The following UNKL variants were observed in gnomAD, a reference collection of about 807,000 sequenced individuals.
UNKL encodes the protein putative E3 ubiquitin-protein ligase UNKL.
In UNKL, 60 loss-of-function variants were observed where a neutral mutation model predicts 78.0. The observed-to-expected ratio is 0.77, with a 90% CI of 0.63 to 0.95. The LOEUF is 0.95. UNKL is among the 40% of genes least tolerant of loss of function. UNKL has a pLI of 0.00. For missense variants in UNKL, 1,159 were observed against 1,045.7 expected, an observed-to-expected ratio of 1.11 and a Z score of -1.49; for synonymous variants, 608 against 474.8, an observed-to-expected ratio of 1.28 and a Z score of -3.65.
chr16:1,414,440 C>T (rs2038186890), intron 1 of UNKL, among the ~76,000 whole-genome samples, 175 bp downstream of exon 1: 1 of 151,992 alleles, frequency 6.6e-6, no homozygotes, highest in East Asian at 1.9e-4. Context: ...ACCATGGGCG[C>T]CGCGCTCCGA....
rs569999920 is a variant in UNKL, at chr16:1,387,510, T to A, written c.1087-2125A>T. Among the ~76,000 whole-genome samples the A allele has an allele frequency of 6.6e-6, 1 of 152,150 alleles. No individual in the cohort carries two copies. Among genetic ancestry groups the A allele is most frequent in the Non-Finnish European group, 1.5e-5 (1 of 68,000 alleles). ...GGAGCAACGCACACCTGGGAGCTCC[T>A]TGTACCCCGATGGCTTGGATCGGGG... On this transcript the variant is annotated intron_variant, in intron 9 of 14. Coordinates refer to ENST00000389221, the MANE Select transcript of UNKL (RefSeq NM_001372107.1). The surrounding 1 kb of genome is among the most constrained non-coding windows in gnomAD (Gnocchi z 4.1).
chr16:1,402,432 G>A (rs1175239981), intron 3 of UNKL, among the ~76,000 whole-genome samples: 1 of 152,154 alleles, frequency 6.6e-6, no homozygotes, highest in East Asian at 1.9e-4. Flanking sequence ...GGAGGCCGAG[G>A]CGGGCAGATC....
intron 2 of UNKL, among the ~76,000 whole-genome samples, chr16:1,404,791 G>A (rs1274038292): frequency 3.9e-5 from 6 of 151,960 alleles, no homozygotes; most frequent in Non-Finnish European, 8.8e-5. Flanking sequence ...TTCCATCCAC[G>A]TGACGGGGTA....
intron 10 of UNKL, among the ~76,000 whole-genome samples, chr16:1,382,680 G>A (rs751962303): frequency 1.3e-5 from 2 of 152,160 alleles, no homozygotes; most frequent in African/African-American, 2.4e-5. Context: ...AATGCAGGTC[G>A]GGCACAATGG....
At chr16:1,374,632 C>A (rs994331917) in intron 10 of UNKL, among the ~76,000 whole-genome samples, 4 of 152,118 alleles carry the variant, frequency 2.6e-5, no homozygotes, top group African/African-American at 4.8e-5. Context: ...TACCCGACAT[C>A]GAGTCCCGCC....
chr16:1,380,012 G>A (rs1345318864), intron 10 of UNKL, among the ~76,000 whole-genome samples: 1 of 152,232 alleles, frequency 6.6e-6, no homozygotes, highest in Non-Finnish European at 1.5e-5. Context: ...GGGGCGGCGT[G>A]AGCTGGGGCC....
At chr16:1,414,120 C>A (rs913621817) in intron 1 of UNKL, 65 bp from the exon 2 acceptor site, 183 of 1,455,072 alleles carry the variant, frequency 1.3e-4, no homozygotes, top group Non-Finnish European at 1.6e-4. Context: ...GACTCGTGGG[C>A]GGCGGGACCC....
intron 10 of UNKL, among the ~76,000 whole-genome samples, chr16:1,384,371 T>C (rs1596705724): frequency 6.6e-6 from 1 of 152,132 alleles, no homozygotes; most frequent in East Asian, 1.9e-4. Flanking sequence ...CACTCCGGGC[T>C]TCTGGAAGAA....
intron 10 of UNKL, chr16:1,379,210 C>T: frequency 6.5e-6 from 1 of 153,154 alleles, no homozygotes; most frequent in Non-Finnish European, 1.5e-5. Context: ...GAGCCGCCGA[C>T]GCCAGGGAAA....
rs187888203 is a variant in UNKL, at chr16:1,406,521, T to C, written c.288-3177A>G. Among the ~76,000 whole-genome samples the C allele has an allele frequency of 7.7e-3, 1,175 of 152,152 alleles. 14 individuals are homozygous for C. Among genetic ancestry groups the C allele is most frequent in the South Asian group, 0.029 (139 of 4,810 alleles). On this transcript the variant is annotated intron_variant, in intron 2 of 14. Coordinates refer to ENST00000389221, the MANE Select transcript of UNKL (RefSeq NM_001372107.1). ...AGCCACCGCGCCCGGCCTAATTTTT[T>C]TGTAGAGACAGAATCTTGCTGTTTC...
chr16:1,406,677 C>T (rs946704684), intron 2 of UNKL, among the ~76,000 whole-genome samples: 2 of 152,114 alleles, frequency 1.3e-5, no homozygotes, highest in East Asian at 1.9e-4. Context: ...CGTCCCAGGC[C>T]GGCCGTGGGC....
At chr16:1,407,007 G>A (rs930021468) in intron 2 of UNKL, among the ~76,000 whole-genome samples, 1 of 151,900 alleles carries the variant, frequency 6.6e-6, no homozygotes, top group Non-Finnish European at 1.5e-5. Context: ...AAATTAGTTG[G>A]GCATGGTGGC....
intron 1 of UNKL, 133 bp from the exon 2 acceptor site, chr16:1,414,188 C>T (rs1337929312): frequency 4.5e-5 from 41 of 908,082 alleles, no homozygotes; most frequent in Non-Finnish European, 5.8e-5. Flanking sequence ...CGGCGGGCCC[C>T]AGGCGCTGCG....
intron 8 of UNKL, among the ~76,000 whole-genome samples, chr16:1,391,239 T>TACAC (rs142620901): frequency 0.015 from 150 of 10,340 alleles, no homozygotes; most frequent in Middle Eastern, 0.083. Context: ...CCCTTAAAGA[T>TACAC]ACACACACAC....
intron 10 of UNKL, among the ~76,000 whole-genome samples, chr16:1,372,073 G>A (rs192081250): frequency 1.5e-4 from 22 of 144,798 alleles, no homozygotes; most frequent in Admixed American, 2.8e-4. Flanking sequence ...TGGCTAACAC[G>A]GTGAAACCCC....
chr16:1,406,613 T>C (rs1173964385), intron 2 of UNKL, among the ~76,000 whole-genome samples: 3 of 152,126 alleles, frequency 2.0e-5, no homozygotes, highest in Non-Finnish European at 4.4e-5. Context: ...GTATTTGGAC[T>C]GCAGGTATGA....
intron 3 of UNKL, 73 bp from the exon 4 acceptor site, chr16:1,401,774 G>GATCTA: frequency 6.5e-7 from 1 of 1,532,720 alleles, no homozygotes; most frequent in South Asian, 1.2e-5. Flanking sequence ...TCACTGGAGG[G>GATCTA]CACGCTCCCC....
At position 1,370,160 on chromosome 16, in the gene UNKL, CCA is replaced by C. The variant is rs1567201275; in HGVS notation, c.1553_1554del (p.Leu518ArgfsTer51). On this transcript the variant is annotated frameshift_variant, in exon 12 of 15. Coordinates refer to ENST00000389221, the MANE Select transcript of UNKL (RefSeq NM_001372107.1). LOFTEE classifies it high-confidence loss of function. The stretch of plus-strand genomic sequence containing the variant: ...GGGCTGTAGGATGAGGCTGCAGAGC[CCA>C]GTGTGCCCGGCTCTGAACGCAGGGG... ...PPPLRSEPGT[L>X]GSAASSYSPL... 6.6e-7 allele frequency: 1 copy of C among 1,515,758 alleles called. No homozygotes were observed. The highest frequency in any genetic ancestry group is 2.5e-5 in the East Asian group (1 of 40,354). 93.9% of individuals were successfully genotyped at this position (1,515,758 alleles called of 1,614,324 possible). A position where few individuals can be genotyped will look rare whatever the true frequency, so the allele number is the denominator to read the frequency against.
intron 9 of UNKL, among the ~76,000 whole-genome samples, chr16:1,388,082 G>A (rs1339178440): frequency 6.6e-6 from 1 of 152,198 alleles, no homozygotes; most frequent in African/African-American, 2.4e-5. Context: ...ATGTAAGGGA[G>A]AGCTGAGGGA....
Sources: allele counts gnomAD v4.1 joint callset (sites outside exome capture counted in the v4.1 genomes callset), GRCh38; gene constraint gnomAD v4.1.1; non-coding constraint Gnocchi (gnomAD v3.1); transcripts MANE v1.5; gene names NCBI Gene and HGNC (gene_info 2026-07-23, HGNC 2026-07-21).